The following TENM1 variants were observed in gnomAD, a reference collection of about 807,000 sequenced individuals.
TENM1 encodes teneurin-1.
A neutral mutation model predicts 174.8 loss-of-function variants in TENM1; 35 were observed. The observed-to-expected ratio is 0.20, with a 90% CI of 0.15 to 0.27. The LOEUF is 0.27. Ranked by LOEUF, TENM1 falls within the 10% of genes least tolerant of loss-of-function variation. The pLI, the probability that TENM1 is intolerant of heterozygous loss-of-function variation, is 1.00. For missense variants in TENM1, 1,633 were observed against 2,130.1 expected, an observed-to-expected ratio of 0.77 and a Z score of 4.59; for synonymous variants, 781 against 798.7, an observed-to-expected ratio of 0.98 and a Z score of 0.37.
intron 5 of TENM1, among the ~76,000 whole-genome samples, chrX:124,678,114 T>C (rs2052137824): frequency 9.0e-6 from 1 of 111,396 alleles, no homozygotes; most frequent in South Asian, 3.7e-4. Context: ...AATGACTTTA[T>C]ATTGGCAGTT....
At chrX:124,441,494 T>C (rs917840028) in intron 23 of TENM1, among the ~76,000 whole-genome samples, 4 of 112,221 alleles carry the variant, frequency 3.6e-5, no homozygotes, top group African/African-American at 1.3e-4. Flanking sequence ...TTGATGTAGA[T>C]TGAGCTCCCT....
intron 14 of TENM1, among the ~76,000 whole-genome samples, 182 bp downstream of exon 17, chrX:124,561,489 T>C (rs1318028952): frequency 1.8e-5 from 2 of 111,636 alleles, no homozygotes; most frequent in Non-Finnish European, 3.8e-5. Context: ...TGCCTGGTCA[T>C]AGTAATATTC....
chrX:124,796,966 G>C (rs1478610221), intron 3 of TENM1, among the ~76,000 whole-genome samples: 1 of 111,623 alleles, frequency 9.0e-6, no homozygotes, highest in Non-Finnish European at 1.9e-5. Flanking sequence ...TCATGGTTAG[G>C]AATAAGGAAC....
chrX:124,924,279 AT>A (rs1281678920), intron 1 of TENM1, among the ~76,000 whole-genome samples: 1 of 111,820 alleles, frequency 8.9e-6, no homozygotes, highest in Admixed American at 9.5e-5. Context: ...ATAATGCCCC[AT>A]TTCTCAAGCA....
chrX:124,956,391 T>C (rs2058574359), intron 1 of TENM1, among the ~76,000 whole-genome samples: 1 of 112,056 alleles, frequency 8.9e-6, no homozygotes, highest in South Asian at 3.7e-4. Context: ...CTCTAATTGA[T>C]TGACAATGCT....
At chrX:124,822,604 T>C (rs897099060) in intron 3 of TENM1, among the ~76,000 whole-genome samples, 1 of 111,942 alleles carries the variant, frequency 8.9e-6, no homozygotes, top group East Asian at 2.8e-4. Context: ...TAACCTCATA[T>C]TATAAGCCCT....
At chrX:124,752,239 C>A (rs1452227897) in intron 3 of TENM1, among the ~76,000 whole-genome samples, 7 of 105,195 alleles carry the variant, frequency 6.7e-5, no homozygotes, top group Admixed American at 5.9e-4. Flanking sequence ...TCTCTGATAG[C>A]CAGTGATGGT....
intron 3 of TENM1, among the ~76,000 whole-genome samples, chrX:124,741,846 G>A (rs1463849153): frequency 8.9e-6 from 1 of 112,281 alleles, no homozygotes; most frequent in Admixed American, 9.4e-5. Context: ...GCTGTATGCA[G>A]TTTTCTGCAT....
At chrX:124,775,768 C>T in intron 3 of TENM1, among the ~76,000 whole-genome samples, 1 of 111,962 alleles carries the variant, frequency 8.9e-6, no homozygotes. Flanking sequence ...CTCTGAACTG[C>T]TTGTTATGGT....
At chrX:124,985,743 A>G in the TENM1 span, among the ~76,000 whole-genome samples, 6 of 112,190 alleles carry the variant, frequency 5.3e-5, no homozygotes, top group Admixed American at 9.5e-5. Flanking sequence ...AAGGGAAAAA[A>G]AACTAAAAAC....
chrX:124,756,511 A>G (rs867475081), intron 3 of TENM1, among the ~76,000 whole-genome samples: 18 of 111,699 alleles, frequency 1.6e-4, no homozygotes, highest in Middle Eastern at 4.6e-3. Flanking sequence ...TTCTCCATCC[A>G]GCTTTGTTCC....
exon 8 of TENM1, chrX:124,651,947 T>C: frequency 8.3e-7 from 1 of 1,208,690 alleles, no homozygotes; most frequent in East Asian, 3.0e-5. Flanking sequence ...ACTTGCTCCA[T>C]CTTTTTTCCA....
chrX:124,799,642 G>C (rs2055394215), intron 3 of TENM1, among the ~76,000 whole-genome samples: 2 of 111,465 alleles, frequency 1.8e-5, no homozygotes, highest in African/African-American at 6.5e-5. Flanking sequence ...ATACTATGTT[G>C]AATAGGAGTG....
chrX:125,186,344 G>A, the TENM1 span, among the ~76,000 whole-genome samples: 1 of 110,847 alleles, frequency 9.0e-6, no homozygotes, highest in Admixed American at 9.6e-5. Context: ...CGTCCCACAT[G>A]GCATCTTTTA....
intron 1 of TENM1, among the ~76,000 whole-genome samples, chrX:124,924,335 C>A (rs771327662): frequency 8.9e-6 from 1 of 111,793 alleles, no homozygotes; most frequent in South Asian, 3.7e-4. Flanking sequence ...TTATAAGCAA[C>A]AGATAACATG....
At chrX:124,987,673 G>A in the TENM1 span, among the ~76,000 whole-genome samples, 1 of 107,725 alleles carries the variant, frequency 9.3e-6, no homozygotes, top group East Asian at 2.9e-4. Flanking sequence ...CACTATGGAT[G>A]ACATATATTG....
chrX:125,096,429 G>A, the TENM1 span, among the ~76,000 whole-genome samples: 1 of 112,240 alleles, frequency 8.9e-6, no homozygotes, highest in Admixed American at 9.5e-5. Flanking sequence ...GTTTTCTGTG[G>A]AATGAAATAC....
intron 20 of TENM1, among the ~76,000 whole-genome samples, chrX:124,491,106 G>C (rs1445556296): frequency 8.9e-6 from 1 of 112,190 alleles, no homozygotes; most frequent in Non-Finnish European, 1.9e-5. Flanking sequence ...TACTGTTTTA[G>C]ATGCTACCAT....
intron 3 of TENM1, among the ~76,000 whole-genome samples, chrX:124,826,000 T>C (rs2056150790): frequency 8.9e-6 from 1 of 112,319 alleles, no homozygotes; most frequent in South Asian, 3.7e-4. Context: ...TGAAACCATA[T>C]AGCAGAAAAT....
Sources: gnomAD v4.1 joint callset for allele counts (sites outside exome capture counted in the v4.1 genomes callset) on GRCh38, gnomAD v4.1.1 for gene constraint, MANE v1.5 for transcripts, NCBI Gene and HGNC (gene_info 2026-07-23, HGNC 2026-07-21) for gene names.